Variants in GRID1 observed in about 807,000 individuals in gnomAD.
GRID1 encodes glutamate ionotropic receptor delta type subunit 1.
GRID1 carries 28 observed loss-of-function variants against 98.0 expected under a neutral mutation model. The ratio of observed to expected loss-of-function variants is 0.29; its 90% CI spans 0.21 to 0.39. The LOEUF (loss-of-function observed/expected upper bound fraction) is 0.39. Ranked by LOEUF, GRID1 falls within the 10% of genes least tolerant of loss-of-function variation. GRID1 has a pLI of 1.00. For synonymous variants in GRID1, 553 were observed against 538.5 expected, an observed-to-expected ratio of 1.03 and a Z score of -0.37; for missense variants, 1,111 against 1,340.5, an observed-to-expected ratio of 0.83 and a Z score of 2.67.
intron 4 of GRID1, among the ~76,000 whole-genome samples, chr10:86,107,158 T>C (rs1165618322): frequency 1.3e-5 from 2 of 152,204 alleles, no homozygotes; most frequent in Admixed American, 1.3e-4. Context: ...GACAGCTCAC[T>C]GAGTATTAGC....
intron 8 of GRID1, among the ~76,000 whole-genome samples, chr10:85,766,791 C>T (rs537616192): frequency 2.1e-5 from 3 of 146,012 alleles, no homozygotes; most frequent in Non-Finnish European, 4.5e-5. Context: ...TTGTATCTGT[C>T]AGGTTTTTCA....
intron 8 of GRID1, among the ~76,000 whole-genome samples, chr10:85,814,624 T>C (rs947409838): frequency 1.3e-5 from 2 of 151,950 alleles, no homozygotes; most frequent in Non-Finnish European, 2.9e-5. Flanking sequence ...TACATACTTT[T>C]AAATGATATT....
intron 3 of GRID1, among the ~76,000 whole-genome samples, chr10:86,149,483 A>G (rs1352597042): frequency 1.3e-5 from 2 of 152,244 alleles, no homozygotes; most frequent in Admixed American, 1.3e-4. Flanking sequence ...TGGGGCACTA[A>G]CAATGGAAGG....
At chr10:85,607,618 T>G (rs1842685908) in intron 15 of GRID1, among the ~76,000 whole-genome samples, 1 of 151,882 alleles carries the variant, frequency 6.6e-6, no homozygotes. Flanking sequence ...TAGCAGATGT[T>G]TTAGGGAGGG....
rs1424434373 is a variant in GRID1 at position 86,286,385 on chromosome 10, G to C, written c.235+77556C>G. ...CCTGTGTCTCCGTGGGTGGAGATGA[G>C]ACCATCTCCATGGCTCCTTCGTCAG... On this transcript the variant is annotated intron_variant, in intron 2 of 15. Coordinates refer to ENST00000327946, the MANE Select transcript of GRID1 (RefSeq NM_017551.3). Among the ~76,000 whole-genome samples the C allele has an allele frequency of 2.6e-5, 4 of 152,252 alleles. No individual in the cohort carries two copies. The East Asian group carries it at 7.7e-4, about 29-fold the overall frequency.
intron 5 of GRID1, among the ~76,000 whole-genome samples, chr10:85,887,289 C>G (rs1399091350): frequency 1.3e-5 from 2 of 152,132 alleles, no homozygotes; most frequent in Admixed American, 1.3e-4. Context: ...GATTACATCT[C>G]CAGGACAGAG....
intron 2 of GRID1, among the ~76,000 whole-genome samples, chr10:86,254,230 C>A (rs185981240): frequency 6.6e-6 from 1 of 152,304 alleles, no homozygotes; most frequent in East Asian, 1.9e-4. Flanking sequence ...CAACACCTGT[C>A]CTCACCACCT....
At chr10:86,323,079 A>G (rs1188865101) in intron 2 of GRID1, among the ~76,000 whole-genome samples, 1 of 152,232 alleles carries the variant, frequency 6.6e-6, no homozygotes. Flanking sequence ...CCTGGGTTAC[A>G]GAGCAAGACT....
intron 4 of GRID1, among the ~76,000 whole-genome samples, chr10:86,109,683 T>A (rs1844447351): frequency 6.6e-6 from 1 of 152,234 alleles, no homozygotes; most frequent in African/African-American, 2.4e-5. Context: ...TCTCATTGAC[T>A]GGCCTCCTCC....
At chr10:85,857,830 C>G (rs931637537) in intron 6 of GRID1, among the ~76,000 whole-genome samples, 1 of 152,216 alleles carries the variant, frequency 6.6e-6, no homozygotes, top group Non-Finnish European at 1.5e-5. Context: ...CACCCCTACT[C>G]TCCTCAATAT....
At chr10:86,328,168 T>C (rs1848080652) in intron 2 of GRID1, among the ~76,000 whole-genome samples, 1 of 152,214 alleles carries the variant, frequency 6.6e-6, no homozygotes, top group South Asian at 2.1e-4. Context: ...GCATTATTTA[T>C]ATATACAAAA....
chr10:85,684,841 G>T (rs1841250516), intron 12 of GRID1, among the ~76,000 whole-genome samples: 1 of 152,170 alleles, frequency 6.6e-6, no homozygotes, highest in Non-Finnish European at 1.5e-5. Flanking sequence ...CTTTTGGCTT[G>T]CAGACTGCCA....
chr10:85,628,478 C>T (rs1382051181), intron 13 of GRID1, among the ~76,000 whole-genome samples: 1 of 152,022 alleles, frequency 6.6e-6, no homozygotes. Flanking sequence ...GACTCAGGTA[C>T]CAAGCTGCTG....
At chr10:86,105,437 C>T (rs943590033) in intron 4 of GRID1, among the ~76,000 whole-genome samples, 3 of 152,218 alleles carry the variant, frequency 2.0e-5, no homozygotes, top group South Asian at 2.1e-4. Flanking sequence ...TTCTGCACCA[C>T]GCTATCTCTT....
At chr10:86,275,928 A>G (rs1847262633) in intron 2 of GRID1, among the ~76,000 whole-genome samples, 1 of 152,238 alleles carries the variant, frequency 6.6e-6, no homozygotes, top group Non-Finnish European at 1.5e-5. Context: ...CAAAGAGTTC[A>G]GTGAACTCCA....
chr10:85,778,466 T>C (rs1409695772), intron 8 of GRID1, among the ~76,000 whole-genome samples: 1 of 152,232 alleles, frequency 6.6e-6, no homozygotes, highest in Non-Finnish European at 1.5e-5. Flanking sequence ...TAATTCATTG[T>C]GCTTCCCTTT....
chr10:85,908,281 A>T (rs1055813880), intron 5 of GRID1, among the ~76,000 whole-genome samples: 7 of 152,212 alleles, frequency 4.6e-5, no homozygotes, highest in African/African-American at 1.7e-4. Context: ...ATTTTCTCTA[A>T]GAAAATCTAA....
At chr10:86,237,016 G>A (rs1041869724) in intron 2 of GRID1, among the ~76,000 whole-genome samples, 3 of 152,128 alleles carry the variant, frequency 2.0e-5, no homozygotes, top group Admixed American at 1.3e-4. Flanking sequence ...GCACGACACA[G>A]TCCTCTGCTT....
intron 2 of GRID1, among the ~76,000 whole-genome samples, chr10:86,227,198 G>T (rs1031573302): frequency 6.6e-6 from 1 of 152,210 alleles, no homozygotes; most frequent in Non-Finnish European, 1.5e-5. Context: ...GGAGAAGCCT[G>T]GAAAGGTGGA....
Sources: gnomAD v4.1 joint callset for allele counts (sites outside exome capture counted in the v4.1 genomes callset) on GRCh38, gnomAD v4.1.1 for gene constraint, MANE v1.5 for transcripts, NCBI Gene and HGNC (gene_info 2026-07-23, HGNC 2026-07-21) for gene names.